Variants in ZNF804B observed in about 807,000 individuals in gnomAD.
ZNF804B encodes zinc finger protein 804B.
Under a neutral mutation model 101.4 loss-of-function variants are expected in ZNF804B, and 80 were observed. The observed-to-expected ratio is 0.79, with a 90% CI of 0.66 to 0.95. ZNF804B has a LOEUF of 0.95. Among genes scored for constraint, ZNF804B ranks in the 40% least tolerant of loss-of-function variants. ZNF804B has a pLI of 0.00. For synonymous variants in ZNF804B, 622 were observed against 558.8 expected, an observed-to-expected ratio of 1.11 and a Z score of -1.59; for missense variants, 1,673 against 1,561.9, an observed-to-expected ratio of 1.07 and a Z score of -1.20.
At chr7:89,108,123 G>A (rs1018476620) in intron 1 of ZNF804B, among the ~76,000 whole-genome samples, 1 of 152,066 alleles carries the variant, frequency 6.6e-6, no homozygotes, top group Non-Finnish European at 1.5e-5. Flanking sequence ...ATGAAAAACA[G>A]GACATGTAGG....
At chr7:89,309,820 A>G (rs532917824) in intron 2 of ZNF804B, among the ~76,000 whole-genome samples, 77 of 149,570 alleles carry the variant, frequency 5.1e-4, no homozygotes, top group Non-Finnish European at 8.7e-4. Context: ...TTGGTTGAAC[A>G]CTAACAACTG....
intron 1 of ZNF804B, among the ~76,000 whole-genome samples, chr7:89,094,824 T>C (rs1332970217): frequency 6.6e-6 from 1 of 152,202 alleles, no homozygotes; most frequent in Non-Finnish European, 1.5e-5. Context: ...ATAGTTGCCT[T>C]ACCGTGTCAG....
At chr7:88,797,298 A>G (rs962304813) in intron 1 of ZNF804B, among the ~76,000 whole-genome samples, 5 of 151,986 alleles carry the variant, frequency 3.3e-5, no homozygotes, top group Non-Finnish European at 7.4e-5. Context: ...CTTTATTTGG[A>G]TTATAATAAG....
At chr7:88,833,701 CAT>C (rs917387076) in intron 1 of ZNF804B, among the ~76,000 whole-genome samples, 16 of 151,998 alleles carry the variant, frequency 1.1e-4, no homozygotes, top group African/African-American at 3.9e-4. Context: ...CTATTGACCT[CAT>C]GTGAGAAAGC....
chr7:89,168,503 G>T (rs1334486592), intron 1 of ZNF804B, among the ~76,000 whole-genome samples: 2 of 151,976 alleles, frequency 1.3e-5, no homozygotes, highest in African/African-American at 2.4e-5. Context: ...TTCTTGCTGT[G>T]TGCCTCAAAA....
At chr7:89,220,055 A>ATATG (rs1788973414) in intron 2 of ZNF804B, among the ~76,000 whole-genome samples, 1 of 120,184 alleles carries the variant, frequency 8.3e-6, no homozygotes, top group Non-Finnish European at 1.8e-5. Flanking sequence ...GCATATATAC[A>ATATG]TATATACGCA....
intron 1 of ZNF804B, among the ~76,000 whole-genome samples, chr7:88,770,327 G>A (rs563215430): frequency 6.6e-6 from 1 of 152,166 alleles, no homozygotes; most frequent in Non-Finnish European, 1.5e-5. Flanking sequence ...TAAGAGGGAG[G>A]CATGAATGTC....
intron 1 of ZNF804B, among the ~76,000 whole-genome samples, chr7:88,814,551 T>C (rs536437120): frequency 1.2e-3 from 188 of 151,966 alleles, no homozygotes; most frequent in African/African-American, 4.2e-3. Flanking sequence ...ATGATGAGAC[T>C]CAGTTGAGGC....
intron 1 of ZNF804B, among the ~76,000 whole-genome samples, chr7:89,157,787 G>C (rs1192266014): frequency 2.0e-5 from 3 of 152,098 alleles, no homozygotes; most frequent in African/African-American, 7.2e-5. Flanking sequence ...CAGGTCAGGT[G>C]TGTGACTGTG....
chr7:88,994,498 AT>A (rs1489879607), intron 1 of ZNF804B, among the ~76,000 whole-genome samples: 1 of 152,054 alleles, frequency 6.6e-6, no homozygotes, highest in Admixed American at 6.6e-5. Context: ...CTTAGCGAAA[AT>A]TTAGGTTAGT....
At chr7:88,856,586 A>T (rs1208402355) in intron 1 of ZNF804B, among the ~76,000 whole-genome samples, 1 of 152,076 alleles carries the variant, frequency 6.6e-6, no homozygotes, top group Non-Finnish European at 1.5e-5. Flanking sequence ...TTCCTAATTG[A>T]ATACCCTTTG....
intron 1 of ZNF804B, among the ~76,000 whole-genome samples, chr7:88,832,550 T>C (rs927231333): frequency 6.6e-6 from 1 of 151,930 alleles, no homozygotes; most frequent in Non-Finnish European, 1.5e-5. Context: ...GTTTGTTTGT[T>C]TTTCCTTTCT....
rs10707553 is a variant in ZNF804B, at chr7:88,776,780, A to ACCC, written c.108+16705_108+16707dup. Reference sequence around the variant, plus strand: ...ATGAACCCCAATTAGTAACCCATAAACCCCCCCCCCCACCCTGTTCACTTC... The same window carrying ACCC: ...ATGAACCCCAATTAGTAACCCATAAACCCCCCCCCCCCCCACCCTGTTCACTTC... On this transcript the variant is annotated intron_variant, in intron 1 of 3. Coordinates refer to ENST00000333190, the MANE Select transcript of ZNF804B (RefSeq NM_181646.5). 7.4e-4 allele frequency among the ~76,000 whole-genome samples: 62 copies of ACCC among 83,478 alleles called. 1 individual carries two copies. The highest frequency in any genetic ancestry group is 1.2e-3 in the South Asian group (2 of 1,680). The allele number at this position is 83,478 out of a possible 152,430, so 54.8% of individuals were successfully genotyped here.
At chr7:88,871,274 A>G (rs1482729516) in intron 1 of ZNF804B, among the ~76,000 whole-genome samples, 1 of 152,272 alleles carries the variant, frequency 6.6e-6, no homozygotes, top group East Asian at 1.9e-4. Context: ...TACTCTATCT[A>G]TTAGGGAATC....
At chr7:88,821,388 G>A (rs1397984600) in intron 1 of ZNF804B, among the ~76,000 whole-genome samples, 1 of 152,116 alleles carries the variant, frequency 6.6e-6, no homozygotes, top group Non-Finnish European at 1.5e-5. Flanking sequence ...GATATTTTCA[G>A]TTGTTTTTCT....
chr7:88,798,523 T>C (rs1790526531), intron 1 of ZNF804B, among the ~76,000 whole-genome samples: 2 of 152,260 alleles, frequency 1.3e-5, no homozygotes, highest in African/African-American at 2.4e-5. Context: ...ATGGATGGTT[T>C]GACATCTTTA....
intron 1 of ZNF804B, among the ~76,000 whole-genome samples, chr7:89,211,804 T>C (rs775465684): frequency 1.3e-5 from 2 of 152,202 alleles, no homozygotes; most frequent in Admixed American, 6.5e-5. Context: ...TTCTTTTAGC[T>C]TAGGATTGTC....
Position 89,334,618 on chromosome 7 carries a change from GA to G in ZNF804B, c.1641del (p.Lys547AsnfsTer29). 6.2e-7 allele frequency: 1 copy of G among 1,613,690 alleles called. No individual in the cohort carries two copies. The highest frequency in any genetic ancestry group is 8.5e-7 in the Non-Finnish European group (1 of 1,179,820). ...PKTMIANPDW[E>X]KFQRKYNLDY... is the part of the protein sequence containing the mutation. ...GACGATGATAGCTAATCCGGATTGG[GA>G]AAAATTCCAGAGGAAATATAATTTG... On this transcript the variant is annotated frameshift_variant, in exon 4 of 4. Coordinates refer to ENST00000333190, the MANE Select transcript of ZNF804B (RefSeq NM_181646.5). LOFTEE classifies it high-confidence loss of function.
At chr7:88,777,480 A>G (rs1405346679) in intron 1 of ZNF804B, among the ~76,000 whole-genome samples, 1 of 152,214 alleles carries the variant, frequency 6.6e-6, no homozygotes, top group African/African-American at 2.4e-5. Context: ...GTAAAGTTGA[A>G]AGAGTGAGAA....
Sources: gnomAD v4.1 joint callset for allele counts (sites outside exome capture counted in the v4.1 genomes callset) on GRCh38, gnomAD v4.1.1 for gene constraint, MANE v1.5 for transcripts, NCBI Gene and HGNC (gene_info 2026-07-23, HGNC 2026-07-21) for gene names.